PELI2: variants seen among roughly 807,000 people sequenced by gnomAD.
PELI2 encodes E3 ubiquitin-protein ligase pellino homolog 2.
Under a neutral mutation model 42.3 loss-of-function variants are expected in PELI2, and 23 were observed. The observed-to-expected ratio is 0.54, with a 90% CI of 0.39 to 0.77. The LOEUF is 0.77. PELI2 is among the 30% of genes least tolerant of loss of function. The pLI, the probability that PELI2 is intolerant of heterozygous loss-of-function variation, is 0.00. For synonymous variants in PELI2, 245 were observed against 212.2 expected (o/e 1.15, Z -1.34); for missense variants, 463 against 553.2 (o/e 0.84, Z 1.64).
At chr14:56,163,039 G>A (rs1330874454) in intron 1 of PELI2, among the ~76,000 whole-genome samples, 5 of 151,854 alleles carry the variant, frequency 3.3e-5, no homozygotes, top group Admixed American at 1.3e-4. Context: ...CATTCTGTGC[G>A]TTTTCTCTTT....
intron 1 of PELI2, among the ~76,000 whole-genome samples, chr14:56,163,187 T>A (rs1379378833): frequency 6.6e-6 from 1 of 152,212 alleles, no homozygotes; most frequent in Admixed American, 6.5e-5. Flanking sequence ...CAGTGTTTGC[T>A]TGTAGTAATT....
intron 2 of PELI2, among the ~76,000 whole-genome samples, chr14:56,202,381 A>G (rs1209554601): frequency 1.3e-5 from 2 of 151,148 alleles, no homozygotes; most frequent in Non-Finnish European, 2.9e-5. Flanking sequence ...TAATGGCTTT[A>G]CACCTCCTCT....
intron 1 of PELI2, among the ~76,000 whole-genome samples, chr14:56,143,704 T>C (rs1487849575): frequency 1.3e-5 from 2 of 152,288 alleles, no homozygotes; most frequent in African/African-American, 4.8e-5. Flanking sequence ...ATTTACTTTT[T>C]TGCTCAGACT....
chr14:56,188,223 T>A (rs1885837729), intron 2 of PELI2, among the ~76,000 whole-genome samples: 1 of 152,216 alleles, frequency 6.6e-6, no homozygotes, highest in Admixed American at 6.5e-5. Flanking sequence ...CTTTCATTTC[T>A]GTACTCCCAT....
chr14:56,294,269 C>T (rs1250519328), intron 5 of PELI2, among the ~76,000 whole-genome samples: 2 of 152,202 alleles, frequency 1.3e-5, no homozygotes, highest in African/African-American at 4.8e-5. Flanking sequence ...AACCAGGGCT[C>T]AGCTGGAGCA....
chr14:56,238,001 T>G (rs1260265996), intron 2 of PELI2, among the ~76,000 whole-genome samples: 1 of 152,138 alleles, frequency 6.6e-6, no homozygotes, highest in East Asian at 1.9e-4. Context: ...GATGTTGCTG[T>G]TATATGATTC....
chr14:56,257,705 C>T (rs1033986844), intron 2 of PELI2, among the ~76,000 whole-genome samples: 17 of 152,166 alleles, frequency 1.1e-4, no homozygotes, highest in African/African-American at 4.1e-4. Flanking sequence ...ACAGGCAGCT[C>T]AGGGCTGTGA....
In PELI2 at chr14:56,279,660, A is replaced by T. The variant is rs773930621; in HGVS notation, c.208-16A>T. 1.0e-4 allele frequency: 147 copies of T among 1,438,922 alleles called. No homozygotes were observed. The highest frequency in any genetic ancestry group is 7.6e-4 in the African/African-American group (54 of 70,646). The allele number at this position is 1,438,922 out of a possible 1,614,324, so 89.1% of individuals were successfully genotyped here. The stretch of plus-strand genomic sequence containing the variant: ...AAATGGAATTGTAATGGATTTTTTT[A>T]AAATTTTATTATTAGGCTATCAGCT... On this transcript the variant is annotated splice_polypyrimidine_tract_variant and intron_variant, in intron 2 of 5. Transcript: ENST00000267460.
intron 1 of PELI2, among the ~76,000 whole-genome samples, chr14:56,151,570 G>A (rs1884359270): frequency 6.6e-6 from 1 of 152,176 alleles, no homozygotes; most frequent in African/African-American, 2.4e-5. Context: ...GTTCATCCCA[G>A]CTCTGCTGCT....
chr14:56,142,155 A>G (rs1883936191), intron 1 of PELI2, among the ~76,000 whole-genome samples: 2 of 152,206 alleles, frequency 1.3e-5, no homozygotes, highest in Non-Finnish European at 2.9e-5. Flanking sequence ...CTCACCCTTT[A>G]AAGTTAAAAC....
intron 2 of PELI2, among the ~76,000 whole-genome samples, chr14:56,220,123 T>C (rs1016636511): frequency 6.6e-6 from 1 of 152,184 alleles, no homozygotes; most frequent in Non-Finnish European, 1.5e-5. Context: ...CTGTTCTCTT[T>C]ATAAAGCTCT....
chr14:56,175,717 G>A (rs539675153), intron 1 of PELI2, among the ~76,000 whole-genome samples: 2 of 152,300 alleles, frequency 1.3e-5, no homozygotes, highest in South Asian at 2.1e-4. Flanking sequence ...TTCTGCATGT[G>A]TTAAGGTTGA....
rs1182382351 is a variant in PELI2 at position 56,300,905 on chromosome 14, G to T, written c.*3739G>T. ...CATTGAAGCAGTAACACAAAAAAAA[G>T]GTTCAGTATTTTCTTTTTAGTATAA... On this transcript the variant is annotated 3_prime_UTR_variant, in exon 6 of 6. Transcript: ENST00000267460. The T allele has an allele frequency of 1.3e-5, 2 of 152,072 alleles. No homozygotes were observed. Among genetic ancestry groups the T allele is most frequent in the African/African-American group, 4.8e-5 (2 of 41,400 alleles). 9.4% of individuals were successfully genotyped at this position (152,072 alleles called of 1,614,324 possible).
intron 2 of PELI2, among the ~76,000 whole-genome samples, chr14:56,240,624 G>A (rs1168826524): frequency 1.3e-5 from 2 of 152,178 alleles, no homozygotes; most frequent in East Asian, 1.9e-4. Flanking sequence ...TGAGGAGCAA[G>A]AGGAGATCTT....
rs149181094 is a variant in PELI2, at chr14:56,126,518, T to C, written c.77+7781T>C. ...TTTGTACTTCCATTCTTATTAGTAC[T>C]GGTTTAACAGAATTTAACCAGAGCG... On this transcript the variant is annotated intron_variant, in intron 1 of 5. Transcript: ENST00000267460. Among the ~76,000 whole-genome samples the C allele has an allele frequency of 2.9e-3, 441 of 152,364 alleles. 2 individuals are homozygous for C. The highest frequency in any genetic ancestry group is 0.01 in the African/African-American group (428 of 41,586).
chr14:56,130,777 G>C (rs1883455940), intron 1 of PELI2, among the ~76,000 whole-genome samples: 1 of 152,094 alleles, frequency 6.6e-6, no homozygotes, highest in Non-Finnish European at 1.5e-5. Flanking sequence ...ATAAAGGCAG[G>C]AAAAGCTGCC....
In PELI2 at chr14:56,291,756, T is replaced by A. The variant is rs143552133; in HGVS notation, c.696+1300T>A. Among the ~76,000 whole-genome samples, 508 of 152,330 alleles carry A rather than the reference T, an allele frequency of 3.3e-3. 2 individuals are homozygous for A. Among genetic ancestry groups the A allele is most frequent in the Non-Finnish European group, 5.1e-3 (344 of 68,034 alleles). On this transcript the variant is annotated intron_variant, in intron 5 of 5. Coordinates refer to ENST00000267460, the MANE Select transcript of PELI2 (RefSeq NM_021255.3). ...TTAACATTTCCGACATGAGCTCACT[T>A]CATCTGCACAGCAGCCCTCTTAGGG...
At chr14:56,148,936 C>A (rs1014706776) in intron 1 of PELI2, among the ~76,000 whole-genome samples, 3 of 152,120 alleles carry the variant, frequency 2.0e-5, no homozygotes, top group Admixed American at 2.0e-4. Flanking sequence ...TGAGAGGCAG[C>A]CCATGAATAT....
At position 56,300,469 on chromosome 14, in the gene PELI2, A is replaced by C. The variant is rs1890141786; in HGVS notation, c.*3303A>C. Reference sequence around the variant, plus strand: ...GTCTTTTTTTTTTTTTTCATGGAAAAACTCAAACCTCTGTTATTTGGGAGC... The same window carrying C: ...GTCTTTTTTTTTTTTTTCATGGAAACACTCAAACCTCTGTTATTTGGGAGC... On this transcript the variant is annotated 3_prime_UTR_variant, in exon 6 of 6. Transcript: ENST00000267460. The C allele has an allele frequency of 6.6e-6, 1 of 152,122 alleles. No individual in the cohort carries two copies. Among genetic ancestry groups the C allele is most frequent in the South Asian group, 2.1e-4 (1 of 4,810 alleles). The allele number at this position is 152,122 out of a possible 1,614,324, so 9.4% of individuals were successfully genotyped here.
Sources: allele counts gnomAD v4.1 joint callset (sites outside exome capture counted in the v4.1 genomes callset), GRCh38; gene constraint gnomAD v4.1.1; transcripts MANE v1.5; gene names NCBI Gene and HGNC (gene_info 2026-07-23, HGNC 2026-07-21).